FAN1: variants seen among roughly 807,000 people sequenced by gnomAD.
FAN1 encodes the protein FANCD2 and FANCI associated nuclease 1.
A neutral mutation model predicts 104.9 loss-of-function variants in FAN1; 91 were observed. That is an observed-to-expected ratio of 0.87 (90% CI 0.73 to 1.03). FAN1 has a LOEUF of 1.03. Ranked by LOEUF, FAN1 falls within the 50% of genes least tolerant of loss-of-function variation. The pLI, the probability that FAN1 is intolerant of heterozygous loss-of-function variation, is 0.00. For missense variants in FAN1, 1,263 were observed against 1,239.9 expected (o/e 1.02, Z -0.28); for synonymous variants, 478 against 457.6 (o/e 1.04, Z -0.57).
intron 14 of FAN1, chr15:30,939,062 C>G: frequency 2.0e-6 from 2 of 985,414 alleles, no homozygotes; most frequent in Non-Finnish European, 2.4e-6. Context: ...ATTTTAGGCA[C>G]AAAGGTTTTA....
intron 5 of FAN1, among the ~76,000 whole-genome samples, chr15:30,916,082 C>G (rs747951668): frequency 6.6e-6 from 1 of 152,180 alleles, no homozygotes; most frequent in Non-Finnish European, 1.5e-5. Flanking sequence ...AGCTCAGTAT[C>G]TTATTTGTGT....
chr15:30,940,233 C>T (rs897481487), intron 14 of FAN1: 1 of 985,298 alleles, frequency 1.0e-6, no homozygotes, highest in Non-Finnish European at 1.2e-6. Context: ...TCAGCTTTGA[C>T]CGCTACAGTG....
intron 13 of FAN1, among the ~76,000 whole-genome samples, chr15:30,932,027 C>A (rs35619616): frequency 0.14 from 21,004 of 151,088 alleles, 1,762 homozygotes; most frequent in African/African-American, 0.25. Context: ...TTGAGACCAT[C>A]CTGGCTAACA....
chr15:30,924,346 C>T (rs553147353), intron 8 of FAN1, among the ~76,000 whole-genome samples: 1 of 152,288 alleles, frequency 6.6e-6, no homozygotes, highest in South Asian at 2.1e-4. Context: ...TTTGGGAATA[C>T]CTGAGAGTGG....
Position 30,942,920 on chromosome 15 carries a change from A to G in FAN1, c.*1358A>G. 1.9e-6 allele frequency: 3 copies of G among 1,568,666 alleles called. No homozygotes were observed. Among genetic ancestry groups the G allele is most frequent in the Non-Finnish European group, 2.6e-6 (3 of 1,154,678 alleles). ...TCCGTTTAAAAGACTTCACGGAGCC[A>G]TTCTGTATACAAGGTGTGCTCTTTC... On this transcript the variant is annotated 3_prime_UTR_variant, in exon 15 of 15. Coordinates refer to ENST00000362065, the MANE Select transcript of FAN1 (RefSeq NM_014967.5).
At chr15:30,930,249 C>T (rs1595878261) in intron 12 of FAN1, among the ~76,000 whole-genome samples, 2 of 151,800 alleles carry the variant, frequency 1.3e-5, no homozygotes, top group South Asian at 2.1e-4. Flanking sequence ...CATGCTGTCG[C>T]GTTCCTGAGT....
chr15:30,928,900 C>T, intron 11 of FAN1: 3 of 593,278 alleles, frequency 5.1e-6, no homozygotes, highest in Non-Finnish European at 4.2e-6. Flanking sequence ...TATAAAGTAC[C>T]ATCAGCATCA....
At chr15:30,914,438 C>T (rs1436355819) in intron 5 of FAN1, among the ~76,000 whole-genome samples, 1 of 152,184 alleles carries the variant, frequency 6.6e-6, no homozygotes, top group Non-Finnish European at 1.5e-5. Context: ...GATCACCGCT[C>T]ACTGTAGCCT....
chr15:30,942,312 C>T lies in FAN1; in HGVS notation c.*750C>T, dbSNP rs2063081903. 1 of 564,700 alleles carries T rather than the reference C, an allele frequency of 1.8e-6. No homozygotes were observed. Among genetic ancestry groups the T allele is most frequent in the Non-Finnish European group, 3.1e-6 (1 of 322,100 alleles). The allele number at this position is 564,700 out of a possible 1,614,324, so 35.0% of individuals were successfully genotyped here. The stretch of plus-strand genomic sequence containing the variant: ...CTGAATGGGGGCGGGATGAGAGTAC[C>T]TCCTATCCACTAATTTGCTTAAGGA... On this transcript the variant is annotated 3_prime_UTR_variant, in exon 15 of 15. Coordinates refer to ENST00000362065, the MANE Select transcript of FAN1 (RefSeq NM_014967.5).
chr15:30,919,417 G>A (rs552503615), intron 6 of FAN1, among the ~76,000 whole-genome samples: 285 of 148,480 alleles, frequency 1.9e-3, no homozygotes, highest in African/African-American at 6.7e-3. Flanking sequence ...GGGGCTGGGC[G>A]TGGTGGCTCA....
intron 14 of FAN1, chr15:30,939,215 T>C (rs185060568): frequency 2.0e-6 from 2 of 985,302 alleles, no homozygotes; most frequent in Admixed American, 1.2e-4. Context: ...CTATTTTTGG[T>C]TTCAAAATCA....
chr15:30,929,099 G>A (rs2062546151), intron 11 of FAN1, 104 bp from the exon 12 acceptor site: 7 of 909,390 alleles, frequency 7.7e-6, no homozygotes, highest in Non-Finnish European at 1.0e-5. Flanking sequence ...GAGAAAGAAT[G>A]TATCGGTTGG....
At chr15:30,923,569 G>C (rs1566923207) in intron 8 of FAN1, among the ~76,000 whole-genome samples, 1 of 152,174 alleles carries the variant, frequency 6.6e-6, no homozygotes, top group Admixed American at 6.5e-5. Context: ...TCCAGGGAAG[G>C]GATCGCCTAG....
chr15:30,941,360 A>AT, intron 14 of FAN1: 1 of 1,537,766 alleles, frequency 6.5e-7, no homozygotes. Context: ...AATTCCAACT[A>AT]TTATTCTTAC....
chr15:30,925,613 C>G (rs1357027947), intron 9 of FAN1, among the ~76,000 whole-genome samples, 176 bp from the exon 10 acceptor site: 1 of 152,194 alleles, frequency 6.6e-6, no homozygotes, highest in Non-Finnish European at 1.5e-5. Flanking sequence ...TCTCCCAGGG[C>G]CGGACCAGCG....
chr15:30,940,665 C>G, intron 14 of FAN1: 1 of 987,076 alleles, frequency 1.0e-6, no homozygotes. Flanking sequence ...AGAGGCCACT[C>G]CCCAGTGGCT....
At chr15:30,940,450 GAGA>G (rs1280554215) in intron 14 of FAN1, 76 of 985,298 alleles carry the variant, frequency 7.7e-5, no homozygotes, top group African/African-American at 8.7e-5. Flanking sequence ...GGAACTATGA[GAGA>G]AGGACATCTG....
At chr15:30,927,620 T>G in intron 10 of FAN1, 1 of 985,494 alleles carries the variant, frequency 1.0e-6, no homozygotes. Context: ...AAATGTCAGG[T>G]GGGACCAGCC....
intron 10 of FAN1, chr15:30,927,903 T>A: frequency 1.0e-6 from 1 of 985,752 alleles, no homozygotes; most frequent in Non-Finnish European, 1.2e-6. Flanking sequence ...CTTCTGTCTC[T>A]CAGGTCATCT....
Sources: gnomAD v4.1 joint callset for allele counts (sites outside exome capture counted in the v4.1 genomes callset) on GRCh38, gnomAD v4.1.1 for gene constraint, MANE v1.5 for transcripts, NCBI Gene and HGNC (gene_info 2026-07-23, HGNC 2026-07-21) for gene names.